The following KPNA6 variants were observed in gnomAD, a reference collection of about 807,000 sequenced individuals.
KPNA6 encodes karyopherin subunit alpha 6.
In KPNA6, 9 loss-of-function variants were observed where a neutral mutation model predicts 72.0. The observed-to-expected ratio is 0.13, with a 90% confidence interval of 0.08 to 0.22. KPNA6 has a LOEUF of 0.22. Among genes scored for constraint, KPNA6 ranks in the 10% least tolerant of loss-of-function variants. The probability of loss-of-function intolerance (pLI) is 1.00; values close to 1 mark genes in which losing one functional copy is unlikely to be tolerated. For missense variants in KPNA6, 374 were observed against 655.7 expected, an observed-to-expected ratio of 0.57 and a Z score of 4.69; for synonymous variants, 219 against 242.1, an observed-to-expected ratio of 0.90 and a Z score of 0.89.
intron 1 of KPNA6, among the ~76,000 whole-genome samples, chr1:32,134,906 CT>C (rs1254551787): frequency 5.9e-4 from 85 of 143,064 alleles, no homozygotes; most frequent in Admixed American, 1.8e-3. Context: ...TTTTTTTTTA[CT>C]TTTTTTTTTT....
chr1:32,162,602 C>G lies in KPNA6; in HGVS notation c.911+78C>G, dbSNP rs1482672582. ...TTATAATCCCAGCACTTTGGGATGC[C>G]AAGGTGGGCGGATCACAAGGTCAGG... is the stretch of plus-strand genomic sequence containing the variant. On this transcript the variant is annotated intron_variant, in intron 9 of 13. Transcript: ENST00000373625. The G allele has an allele frequency of 4.0e-6, 6 of 1,486,746 alleles. No individual in the cohort carries two copies. In the Admixed American group the frequency reaches 1.0e-4, roughly 25 times the overall value. 92.1% of individuals were successfully genotyped at this position (1,486,746 alleles called of 1,614,324 possible).
intron 1 of KPNA6, among the ~76,000 whole-genome samples, chr1:32,112,579 G>C (rs186235499): frequency 2.0e-5 from 3 of 151,964 alleles, no homozygotes; most frequent in Non-Finnish European, 2.9e-5. Flanking sequence ...TGCAACCTCC[G>C]CTTCCTGGGT....
rs1167956200 is a variant in KPNA6 at position 32,171,649 on chromosome 1, TG to T, written c.*756del. 1.3e-5 allele frequency: 2 copies of T among 152,202 alleles called. No individual in the cohort carries two copies. The highest frequency in any genetic ancestry group is 6.5e-5 in the Admixed American group (1 of 15,276). The allele number at this position is 152,202 out of a possible 1,614,324, so 9.4% of individuals were successfully genotyped here. ...GTTTGGGGGATCCTCCTCACTCTCC[TG>T]AAGTGTCTCAAGTATACCAGTGGGA... On this transcript the variant is annotated 3_prime_UTR_variant, in exon 14 of 14. Coordinates refer to ENST00000373625, the MANE Select transcript of KPNA6 (RefSeq NM_012316.5).
At chr1:32,163,082 C>G (rs1038655165) in intron 9 of KPNA6, among the ~76,000 whole-genome samples, 153 bp from the exon 10 acceptor site, 3 of 148,778 alleles carry the variant, frequency 2.0e-5, no homozygotes, top group Admixed American at 6.7e-5. Flanking sequence ...CTAGCCTGGG[C>G]GACAGAGCGA....
chr1:32,120,521 T>G (rs771824069), intron 1 of KPNA6, among the ~76,000 whole-genome samples: 2 of 151,582 alleles, frequency 1.3e-5, no homozygotes, highest in Non-Finnish European at 2.9e-5. Flanking sequence ...GTGCTGAGAT[T>G]ATGGGCTTAA....
At chr1:32,138,203 TA>T (rs1440393829) in intron 1 of KPNA6, among the ~76,000 whole-genome samples, 2 of 150,486 alleles carry the variant, frequency 1.3e-5, no homozygotes, top group African/African-American at 4.9e-5. Flanking sequence ...AGATAGCTGG[TA>T]GGCAAGATGT....
At chr1:32,127,097 C>CA (rs1641550358) in intron 1 of KPNA6, among the ~76,000 whole-genome samples, 1 of 152,120 alleles carries the variant, frequency 6.6e-6, no homozygotes, top group African/African-American at 2.4e-5. Flanking sequence ...TTATTGTGCC[C>CA]ATTTTATTTT....
At chr1:32,113,448 A>ATGTC in intron 1 of KPNA6, among the ~76,000 whole-genome samples, 1 of 151,996 alleles carries the variant, frequency 6.6e-6, no homozygotes, top group East Asian at 1.9e-4. Flanking sequence ...GTATGTATGT[A>ATGTC]TATATGTTTT....
rs1642466786 is a variant in KPNA6 at position 32,173,099 on chromosome 1, C to T, written c.*2205C>T. On this transcript the variant is annotated 3_prime_UTR_variant, in exon 14 of 14. Transcript: ENST00000373625. The stretch of plus-strand genomic sequence containing the variant: ...ATGATGGCTGCCAACTCCCAATCTC[C>T]CAGGAAGGCAGGGGGCAGAATCTTT... 2.5e-6 allele frequency: 1 copy of T among 396,444 alleles called. No individual in the cohort carries two copies. The highest frequency in any genetic ancestry group is 4.4e-6 in the Non-Finnish European group (1 of 225,878). The allele number at this position is 396,444 out of a possible 1,614,324, so 24.6% of individuals were successfully genotyped here. A position where few individuals can be genotyped will look rare whatever the true frequency, so the allele number is the denominator to read the frequency against.
At chr1:32,132,337 TGCCCAGGCTA>T (rs922410966) in intron 1 of KPNA6, among the ~76,000 whole-genome samples, 71 of 152,324 alleles carry the variant, frequency 4.7e-4, no homozygotes, top group African/African-American at 1.6e-3. Context: ...CTCACTCTGT[TGCCCAGGCTA>T]GAGTGCTGTG....
chr1:32,114,271 C>G (rs550891679), intron 1 of KPNA6, among the ~76,000 whole-genome samples: 6 of 151,998 alleles, frequency 3.9e-5, no homozygotes, highest in Admixed American at 2.6e-4. Flanking sequence ...GAAACCTTGT[C>G]TCTACTAGAA....
chr1:32,133,854 A>AC (rs2123993861), intron 1 of KPNA6, among the ~76,000 whole-genome samples: 1 of 152,048 alleles, frequency 6.6e-6, no homozygotes, highest in South Asian at 2.1e-4. Context: ...AGCCTGGCAA[A>AC]CGTGGTGAAA....
chr1:32,158,190 G>A (rs1206725542), intron 4 of KPNA6, 77 bp from the exon 5 acceptor site: 2 of 889,614 alleles, frequency 2.2e-6, no homozygotes, highest in Non-Finnish European at 3.6e-6. Flanking sequence ...TGTCTAAGAA[G>A]GATTGCAAGC....
chr1:32,159,023 G>A (rs1372665736), intron 5 of KPNA6, among the ~76,000 whole-genome samples: 1 of 152,214 alleles, frequency 6.6e-6, no homozygotes, highest in Non-Finnish European at 1.5e-5. Context: ...AAGGGACTTT[G>A]AGAGACCCAT....
At chr1:32,135,625 G>A (rs1347636484) in intron 1 of KPNA6, among the ~76,000 whole-genome samples, 2 of 147,466 alleles carry the variant, frequency 1.4e-5, no homozygotes, top group Non-Finnish European at 3.0e-5. Flanking sequence ...GAGCCACCAT[G>A]CTTGGCCATT....
At chr1:32,142,399 G>T (rs1198019879) in intron 1 of KPNA6, among the ~76,000 whole-genome samples, 4 of 152,012 alleles carry the variant, frequency 2.6e-5, no homozygotes, top group Non-Finnish European at 4.4e-5. Flanking sequence ...CTGGATTAGG[G>T]CCTACCCCAA....
chr1:32,150,164 A>T (rs1570045268), intron 1 of KPNA6, among the ~76,000 whole-genome samples: 8 of 93,500 alleles, frequency 8.6e-5, no homozygotes, highest in African/African-American at 1.3e-4. Flanking sequence ...ACAGGGTCTT[A>T]CTCTATTGCC....
rs367595186 is a variant in KPNA6, at chr1:32,108,125, C to G, written c.-6C>G. The G allele has an allele frequency of 6.2e-7, 1 of 1,614,032 alleles. No individual in the cohort carries two copies. The highest frequency in any genetic ancestry group is 8.5e-7 in the Non-Finnish European group (1 of 1,179,940). ...CCGCCGCCAAGAGTGAGCGAGCGGA[C>G]CCGCGATGGGTGAGTGAGGAAACCA... On this transcript the variant is annotated 5_prime_UTR_variant, in exon 1 of 14. Transcript: ENST00000373625.
chr1:32,111,048 T>C (rs1641236972), intron 1 of KPNA6, among the ~76,000 whole-genome samples: 1 of 152,238 alleles, frequency 6.6e-6, no homozygotes, highest in Non-Finnish European at 1.5e-5. Context: ...TGATAGGCCT[T>C]TCTTAGTAGC....
Sources: allele counts gnomAD v4.1 joint callset (sites outside exome capture counted in the v4.1 genomes callset), GRCh38; gene constraint gnomAD v4.1.1; transcripts MANE v1.5; gene names NCBI Gene and HGNC (gene_info 2026-07-23, HGNC 2026-07-21).